WDFY2: variants seen among roughly 807,000 people sequenced by gnomAD.
The protein encoded by WDFY2 is WD repeat and FYVE domain-containing protein 2.
WDFY2 carries 36 observed loss-of-function variants against 56.4 expected under a neutral mutation model. That is an observed-to-expected ratio of 0.64 (90% CI 0.49 to 0.84). WDFY2 has a LOEUF of 0.84. Ranked by LOEUF, WDFY2 falls within the 40% of genes least tolerant of loss-of-function variation. The pLI, the probability that WDFY2 is intolerant of heterozygous loss-of-function variation, is 0.00. For synonymous variants in WDFY2, 176 were observed against 183.7 expected (o/e 0.96, Z 0.34); for missense variants, 444 against 512.2 (o/e 0.87, Z 1.29).
intron 1 of WDFY2, among the ~76,000 whole-genome samples, chr13:51,611,652 C>T (rs1954505537): frequency 6.6e-6 from 1 of 152,170 alleles, no homozygotes; most frequent in South Asian, 2.1e-4. Context: ...TTTACCCCTA[C>T]CTCATACGAC....
chr13:51,598,468 C>T (rs901924054), intron 1 of WDFY2: 2 of 152,212 alleles, frequency 1.3e-5, no homozygotes, highest in African/African-American at 2.4e-5. Flanking sequence ...GTGGACCCCT[C>T]TCTGAAAAAC....
At chr13:51,653,761 C>G (rs1431381642) in intron 1 of WDFY2, among the ~76,000 whole-genome samples, 1 of 144,174 alleles carries the variant, frequency 6.9e-6, no homozygotes, top group Admixed American at 6.9e-5. Flanking sequence ...GATCGTTCCT[C>G]TGGAAGTTTT....
intron 8 of WDFY2, among the ~76,000 whole-genome samples, chr13:51,752,700 C>T (rs993314084): frequency 6.6e-6 from 1 of 152,168 alleles, no homozygotes; most frequent in African/African-American, 2.4e-5. Context: ...GTTTATGAGC[C>T]TATTGATATG....
chr13:51,603,279 G>A (rs1048096148), intron 1 of WDFY2, among the ~76,000 whole-genome samples: 29 of 152,252 alleles, frequency 1.9e-4, no homozygotes, highest in African/African-American at 6.7e-4. Flanking sequence ...TCCTACTAAC[G>A]TTTTTCTTCC....
chr13:51,736,175 G>T (rs1952830178), intron 6 of WDFY2, among the ~76,000 whole-genome samples: 6 of 152,126 alleles, frequency 3.9e-5, no homozygotes, highest in Admixed American at 3.9e-4. Flanking sequence ...TTTGTTGAGT[G>T]GTGCTTCCCA....
intron 1 of WDFY2, among the ~76,000 whole-genome samples, chr13:51,599,798 A>T (rs1233704570): frequency 2.0e-5 from 3 of 152,146 alleles, no homozygotes; most frequent in Non-Finnish European, 4.4e-5. Context: ...AATTGAAACA[A>T]GGTTTTCCAA....
chr13:51,643,917 A>G (rs999888448), intron 1 of WDFY2, among the ~76,000 whole-genome samples: 4 of 152,222 alleles, frequency 2.6e-5, no homozygotes, highest in African/African-American at 9.7e-5. Context: ...TCTTTATTCA[A>G]ATAAGGAATT....
chr13:51,746,284 G>A (rs186252383), intron 7 of WDFY2, among the ~76,000 whole-genome samples: 4 of 152,268 alleles, frequency 2.6e-5, no homozygotes, highest in Non-Finnish European at 4.4e-5. Flanking sequence ...CCATACCAAG[G>A]CTAGAAAACC....
At chr13:51,610,505 TTTCA>T (rs1317072715) in intron 1 of WDFY2, among the ~76,000 whole-genome samples, 3 of 152,200 alleles carry the variant, frequency 2.0e-5, no homozygotes, top group African/African-American at 7.2e-5. Context: ...AGCACATAAA[TTTCA>T]TTCCCATTTT....
At chr13:51,687,655 T>A (rs1956083538) in intron 3 of WDFY2, among the ~76,000 whole-genome samples, 1 of 152,150 alleles carries the variant, frequency 6.6e-6, no homozygotes, top group Non-Finnish European at 1.5e-5. Context: ...TTTTTCATAT[T>A]TATTGATTAC....
chr13:51,655,270 A>C (rs562104125), intron 1 of WDFY2, among the ~76,000 whole-genome samples: 21 of 152,260 alleles, frequency 1.4e-4, no homozygotes, highest in African/African-American at 5.1e-4. Flanking sequence ...GAGCATCCTT[A>C]TTACTGATTT....
rs1361354181 is a variant in WDFY2 at position 51,756,282 on chromosome 13, CAG to C, written c.934-49_934-48del. 2.5e-6 allele frequency: 4 copies of C among 1,574,182 alleles called. No individual in the cohort carries two copies. The African/African-American group carries it at 5.4e-5, about 21-fold the overall frequency. On this transcript the variant is annotated intron_variant, in intron 9 of 11. Coordinates refer to ENST00000298125, the MANE Select transcript of WDFY2 (RefSeq NM_052950.4). ...CAGGAGGGGTGAGATGCGGGGGCCT[CAG>C]GAGCTGAGGGAGCCGTGATGAGTAT...
intron 8 of WDFY2, among the ~76,000 whole-genome samples, chr13:51,754,719 T>C (rs1953324908): frequency 6.6e-6 from 1 of 152,258 alleles, no homozygotes; most frequent in South Asian, 2.1e-4. Flanking sequence ...CCAGGGGTTC[T>C]TTGTATACAG....
intron 6 of WDFY2, among the ~76,000 whole-genome samples, chr13:51,736,515 C>T (rs1347573566): frequency 1.3e-5 from 2 of 152,142 alleles, no homozygotes; most frequent in Admixed American, 1.3e-4. Context: ...TGTTTGGAGA[C>T]GGAGTCTCAC....
intron 1 of WDFY2, among the ~76,000 whole-genome samples, chr13:51,659,015 C>T (rs1377764432): frequency 2.0e-5 from 3 of 152,160 alleles, no homozygotes; most frequent in Non-Finnish European, 1.5e-5. Flanking sequence ...CAACCTCTCC[C>T]TCCCAGGTTC....
intron 7 of WDFY2, among the ~76,000 whole-genome samples, chr13:51,739,973 T>C (rs1356751449): frequency 1.3e-5 from 2 of 152,192 alleles, no homozygotes; most frequent in African/African-American, 4.8e-5. Flanking sequence ...GAATTGTTTT[T>C]TAGTTGTAAA....
At chr13:51,680,397 C>T (rs1025023918) in intron 3 of WDFY2, among the ~76,000 whole-genome samples, 9 of 152,124 alleles carry the variant, frequency 5.9e-5, no homozygotes, top group South Asian at 2.1e-4. Context: ...CCACTGTGCC[C>T]GGCTCCACGT....
chr13:51,619,829 G>A (rs1368367763), intron 1 of WDFY2, among the ~76,000 whole-genome samples: 1 of 152,192 alleles, frequency 6.6e-6, no homozygotes, highest in Non-Finnish European at 1.5e-5. Context: ...AGAAACAGCT[G>A]GATTGGTTAC....
rs1009820339 is a variant in WDFY2 at position 51,601,862 on chromosome 13, C to T, written c.137+17038C>T. Reference sequence around the variant, plus strand: ...ATGAGTGTGGAGCCTCCATGGAAATCACAACAGGCTGAACTTGTTTTTCAG... The same window carrying T: ...ATGAGTGTGGAGCCTCCATGGAAATTACAACAGGCTGAACTTGTTTTTCAG... On this transcript the variant is annotated intron_variant, in intron 1 of 11. Transcript: ENST00000298125. Among the ~76,000 whole-genome samples, 4 of 152,150 alleles carry T rather than the reference C, an allele frequency of 2.6e-5. No individual in the cohort carries two copies. In the South Asian group the frequency reaches 8.3e-4, roughly 32 times the overall value.
Sources: gnomAD v4.1 joint callset for allele counts (sites outside exome capture counted in the v4.1 genomes callset) on GRCh38, gnomAD v4.1.1 for gene constraint, MANE v1.5 for transcripts, NCBI Gene and HGNC (gene_info 2026-07-23, HGNC 2026-07-21) for gene names.